Variants in FGF14 observed in about 807,000 individuals in gnomAD.
The protein encoded by FGF14 is fibroblast growth factor 14, also known as fibroblast growth factor homologous factor 4.
A neutral mutation model predicts 25.5 loss-of-function variants in FGF14; 5 were observed. That is an observed-to-expected ratio of 0.20 (90% CI 0.10 to 0.41). The LOEUF is 0.41. Among genes scored for constraint, FGF14 ranks in the 10% least tolerant of loss-of-function variants. The pLI, the probability that FGF14 is intolerant of heterozygous loss-of-function variation, is 1.00. For missense variants in FGF14, 222 were observed against 320.1 expected, an observed-to-expected ratio of 0.69 and a Z score of 2.34; for synonymous variants, 138 against 118.3, an observed-to-expected ratio of 1.17 and a Z score of -1.08.
chr13:102,216,493 T>C (rs2050377386), intron 1 of FGF14, among the ~76,000 whole-genome samples: 1 of 152,178 alleles, frequency 6.6e-6, no homozygotes, highest in South Asian at 2.1e-4. Flanking sequence ...ATTTTAACAA[T>C]AGTAAAAGCA....
intron 3 of FGF14, among the ~76,000 whole-genome samples, chr13:101,808,874 G>A (rs1425212860): frequency 6.6e-6 from 1 of 152,058 alleles, no homozygotes; most frequent in Non-Finnish European, 1.5e-5. Flanking sequence ...ATAAAATATA[G>A]TAATTTAGTG....
intron 1 of FGF14, among the ~76,000 whole-genome samples, chr13:102,216,685 A>G (rs2050386488): frequency 6.6e-6 from 1 of 152,086 alleles, no homozygotes; most frequent in Non-Finnish European, 1.5e-5. Flanking sequence ...TCCGATAGCT[A>G]TTTTCAAACA....
intron 1 of FGF14, among the ~76,000 whole-genome samples, chr13:102,009,200 T>A (rs1566565572): frequency 2.0e-5 from 3 of 152,178 alleles, no homozygotes; most frequent in Non-Finnish European, 4.4e-5. Context: ...GTCTATAAGA[T>A]CATGCTTGAA....
At chr13:102,061,174 C>T (rs190865430) in intron 1 of FGF14, among the ~76,000 whole-genome samples, 197 of 152,324 alleles carry the variant, frequency 1.3e-3, no homozygotes, top group African/African-American at 4.4e-3. Context: ...CCGATTTTTC[C>T]AGTACACAAG....
chr13:102,326,682 A>AGGGAG, intron 1 of FGF14, among the ~76,000 whole-genome samples: 1 of 62,570 alleles, frequency 1.6e-5, no homozygotes, highest in Non-Finnish European at 3.0e-5. Flanking sequence ...AGGGAAGGGA[A>AGGGAG]GGGAAGGGAA....
At chr13:101,789,398 C>A (rs1360959122) in intron 3 of FGF14, among the ~76,000 whole-genome samples, 1 of 152,104 alleles carries the variant, frequency 6.6e-6, no homozygotes, top group Non-Finnish European at 1.5e-5. Context: ...TTTCTGATCT[C>A]CAGGTTAGTC....
intron 1 of FGF14, among the ~76,000 whole-genome samples, chr13:102,241,322 C>T (rs1441831133): frequency 3.3e-5 from 5 of 152,022 alleles, no homozygotes; most frequent in African/African-American, 1.2e-4. Flanking sequence ...ATTTCAAGTC[C>T]CATATCCCTT....
chr13:102,148,883 G>C (rs1384127267), intron 1 of FGF14, among the ~76,000 whole-genome samples: 8 of 152,150 alleles, frequency 5.3e-5, no homozygotes, highest in Non-Finnish European at 1.0e-4. Context: ...TAAATTGGGA[G>C]ATAGATGGTG....
chr13:102,008,446 T>C (rs914267813), intron 1 of FGF14, among the ~76,000 whole-genome samples: 2 of 152,212 alleles, frequency 1.3e-5, no homozygotes, highest in African/African-American at 4.8e-5. Flanking sequence ...CTGTGTATTT[T>C]GGGTTCTATA....
At chr13:102,220,412 A>G (rs1472398336) in intron 1 of FGF14, among the ~76,000 whole-genome samples, 1 of 152,208 alleles carries the variant, frequency 6.6e-6, no homozygotes, top group Non-Finnish European at 1.5e-5. Context: ...AAAATCCAAA[A>G]TGTGTATTTT....
intron 1 of FGF14, chr13:102,367,113 T>G (rs949148968): frequency 6.6e-6 from 1 of 152,194 alleles, no homozygotes; most frequent in Non-Finnish European, 1.5e-5. Flanking sequence ...CAGTAAGCAT[T>G]TATCATTTCA....
chr13:102,361,930 C>T (rs1420693982), intron 1 of FGF14, among the ~76,000 whole-genome samples: 2 of 152,070 alleles, frequency 1.3e-5, no homozygotes, highest in African/African-American at 4.8e-5. Flanking sequence ...GGTGGTTTCA[C>T]GGTGTCAGTA....
intron 1 of FGF14, among the ~76,000 whole-genome samples, chr13:102,038,004 T>A (rs1184588203): frequency 2.0e-5 from 3 of 152,136 alleles, no homozygotes; most frequent in Non-Finnish European, 4.4e-5. Context: ...AATGGATCTC[T>A]TGCTTGGTGG....
At chr13:102,192,162 G>A (rs2049152148) in intron 1 of FGF14, among the ~76,000 whole-genome samples, 1 of 152,182 alleles carries the variant, frequency 6.6e-6, no homozygotes, top group African/African-American at 2.4e-5. Context: ...ACACTGACCT[G>A]ATGATCTCTG....
chr13:101,909,537 A>G (rs1026573987), intron 1 of FGF14, among the ~76,000 whole-genome samples: 5 of 152,220 alleles, frequency 3.3e-5, no homozygotes, highest in African/African-American at 9.6e-5. Context: ...CAAAACCACA[A>G]TGAGATACCA....
At chr13:101,906,601 A>G (rs1161740076) in intron 1 of FGF14, among the ~76,000 whole-genome samples, 1 of 152,172 alleles carries the variant, frequency 6.6e-6, no homozygotes, top group African/African-American at 2.4e-5. Context: ...CTGAGAAAAG[A>G]CACTGCATTC....
chr13:102,223,855 G>A (rs780286833), intron 1 of FGF14, among the ~76,000 whole-genome samples: 4 of 152,034 alleles, frequency 2.6e-5, no homozygotes, highest in Non-Finnish European at 5.9e-5. Flanking sequence ...AGAGCAAGAC[G>A]CTGTCTCAAA....
At chr13:102,221,221 T>C (rs1363358802) in intron 1 of FGF14, among the ~76,000 whole-genome samples, 1 of 152,158 alleles carries the variant, frequency 6.6e-6, no homozygotes, top group Non-Finnish European at 1.5e-5. Context: ...TGGAGACAAC[T>C]CTTATCAAAA....
chr13:102,303,037 T>G (rs566054101), intron 1 of FGF14, among the ~76,000 whole-genome samples: 1 of 152,310 alleles, frequency 6.6e-6, no homozygotes, highest in East Asian at 1.9e-4. Context: ...AAGAACATCC[T>G]GCTTCTCTGA....
Sources: gnomAD v4.1 joint callset for allele counts (sites outside exome capture counted in the v4.1 genomes callset) on GRCh38, gnomAD v4.1.1 for gene constraint, MANE v1.5 for transcripts, NCBI Gene and HGNC (gene_info 2026-07-23, HGNC 2026-07-21) for gene names.